NCKAP5: variants seen among roughly 807,000 people sequenced by gnomAD.
NCKAP5 encodes NCK associated protein 5, also known as nck-associated protein 5.
A neutral mutation model predicts 167.0 loss-of-function variants in NCKAP5; 92 were observed. The observed-to-expected ratio is 0.55, with a 90% CI of 0.47 to 0.66. The LOEUF is 0.66. NCKAP5 is among the 30% of genes least tolerant of loss of function. The pLI, the probability that NCKAP5 is intolerant of heterozygous loss-of-function variation, is 0.00. For missense variants in NCKAP5, 2,378 were observed against 2,315.0 expected, an observed-to-expected ratio of 1.03 and a Z score of -0.56; for synonymous variants, 891 against 877.4, an observed-to-expected ratio of 1.02 and a Z score of -0.27.
At chr2:133,385,597 G>A (rs1038167878) in intron 3 of NCKAP5, among the ~76,000 whole-genome samples, 6 of 152,126 alleles carry the variant, frequency 3.9e-5, no homozygotes, top group African/African-American at 1.4e-4. Context: ...TTTTTCTATT[G>A]ATTGGAATAG....
chr2:133,228,364 G>A (rs1290726238), intron 4 of NCKAP5, among the ~76,000 whole-genome samples: 1 of 152,052 alleles, frequency 6.6e-6, no homozygotes, highest in African/African-American at 2.4e-5. Context: ...AATAGTTTTT[G>A]CATCCATTTC....
At chr2:132,763,793 C>T (rs143306027) in intron 16 of NCKAP5, among the ~76,000 whole-genome samples, 43 of 152,296 alleles carry the variant, frequency 2.8e-4, no homozygotes, top group Non-Finnish European at 5.0e-4. Flanking sequence ...GATCACAATG[C>T]ATTTGAATTG....
chr2:132,973,544 T>C (rs1488646465), intron 7 of NCKAP5, among the ~76,000 whole-genome samples: 1 of 152,160 alleles, frequency 6.6e-6, no homozygotes, highest in Non-Finnish European at 1.5e-5. Flanking sequence ...TTTATACAAC[T>C]TTGATCATCT....
chr2:133,663,444 C>CA, the NCKAP5 span, among the ~76,000 whole-genome samples: 323 of 152,286 alleles, frequency 2.1e-3, 2 homozygotes, highest in African/African-American at 7.5e-3. Context: ...TAAAGTTTGA[C>CA]ATTGACTGAC....
chr2:133,073,886 C>G (rs1259654253), intron 6 of NCKAP5, among the ~76,000 whole-genome samples: 1 of 152,184 alleles, frequency 6.6e-6, no homozygotes, highest in Non-Finnish European at 1.5e-5. Flanking sequence ...AAAATGTCTG[C>G]TTTAACCTGA....
intron 7 of NCKAP5, among the ~76,000 whole-genome samples, chr2:132,991,609 A>G (rs574028587): frequency 1.3e-5 from 2 of 152,328 alleles, no homozygotes; most frequent in South Asian, 2.1e-4. Flanking sequence ...GGAACACAGA[A>G]AGCTATTACT....
intron 5 of NCKAP5, among the ~76,000 whole-genome samples, chr2:133,169,850 G>T (rs1044746776): frequency 5.3e-5 from 8 of 152,174 alleles, no homozygotes; most frequent in African/African-American, 1.9e-4. Flanking sequence ...CTCTGATGTG[G>T]CTGCCAAGGT....
At chr2:133,307,831 C>G (rs1210046559) in intron 3 of NCKAP5, among the ~76,000 whole-genome samples, 1 of 151,688 alleles carries the variant, frequency 6.6e-6, no homozygotes, top group East Asian at 1.9e-4. Flanking sequence ...ATATGTAATA[C>G]CTGAGCAAAG....
At chr2:133,150,291 T>C (rs73000831) in intron 5 of NCKAP5, among the ~76,000 whole-genome samples, 4,830 of 152,284 alleles carry the variant, frequency 0.032, 240 homozygotes, top group African/African-American at 0.11. Context: ...AGCGGATACC[T>C]GCCTGTCAGT....
At chr2:133,558,089 T>C (rs1687874689) in intron 2 of NCKAP5, 2 of 152,284 alleles carry the variant, frequency 1.3e-5, no homozygotes, top group Admixed American at 6.5e-5. Flanking sequence ...AATAGAATTG[T>C]TCAATCTCTC....
chr2:132,676,542 G>A (rs1215495506), intron 19 of NCKAP5, among the ~76,000 whole-genome samples: 1 of 151,758 alleles, frequency 6.6e-6, no homozygotes, highest in Non-Finnish European at 1.5e-5. Flanking sequence ...CCTCAACATT[G>A]TCTTGTCAGA....
At chr2:132,773,420 T>G (rs1049341199) in intron 16 of NCKAP5, among the ~76,000 whole-genome samples, 2 of 152,244 alleles carry the variant, frequency 1.3e-5, no homozygotes, top group African/African-American at 4.8e-5. Context: ...GCAAACCGTA[T>G]TTTCTTATTC....
At chr2:133,050,428 G>GA (rs1357718279) in intron 6 of NCKAP5, among the ~76,000 whole-genome samples, 2 of 151,758 alleles carry the variant, frequency 1.3e-5, no homozygotes, top group African/African-American at 4.8e-5. Flanking sequence ...ATTTAGGTAG[G>GA]AAAAAAAATG....
the NCKAP5 span, among the ~76,000 whole-genome samples, chr2:133,626,469 A>C: frequency 1.6e-5 from 2 of 121,380 alleles, no homozygotes; most frequent in Non-Finnish European, 3.0e-5. Context: ...AAGGGAAATA[A>C]AAAGGGGAGA....
At chr2:133,322,010 A>G (rs1242333154) in intron 3 of NCKAP5, among the ~76,000 whole-genome samples, 1 of 152,180 alleles carries the variant, frequency 6.6e-6, no homozygotes, top group Non-Finnish European at 1.5e-5. Flanking sequence ...AAAATTATAT[A>G]CCTATAAAAA....
intron 4 of NCKAP5, among the ~76,000 whole-genome samples, chr2:133,282,678 G>C (rs1334292054): frequency 6.6e-6 from 1 of 152,200 alleles, no homozygotes; most frequent in Non-Finnish European, 1.5e-5. Flanking sequence ...GTATATGAAT[G>C]AATCTCTTCT....
chr2:133,342,890 A>T (rs1683695100), intron 3 of NCKAP5, among the ~76,000 whole-genome samples: 1 of 152,198 alleles, frequency 6.6e-6, no homozygotes, highest in South Asian at 2.1e-4. Flanking sequence ...TGATCCCTGC[A>T]GGATGGTGCA....
intron 1 of NCKAP5, among the ~76,000 whole-genome samples, chr2:133,564,977 A>G (rs1473509481): frequency 6.6e-6 from 1 of 152,138 alleles, no homozygotes; most frequent in Non-Finnish European, 1.5e-5. Flanking sequence ...TGAAGAGGGG[A>G]ACAGAAGCAC....
At chr2:133,378,423 T>C (rs545935893) in intron 3 of NCKAP5, among the ~76,000 whole-genome samples, 2 of 152,326 alleles carry the variant, frequency 1.3e-5, no homozygotes, top group Non-Finnish European at 2.9e-5. Context: ...GTGTAGACTA[T>C]CAAATTTTGT....
Sources: gnomAD v4.1 joint callset for allele counts (sites outside exome capture counted in the v4.1 genomes callset) on GRCh38, gnomAD v4.1.1 for gene constraint, MANE v1.5 for transcripts, NCBI Gene and HGNC (gene_info 2026-07-23, HGNC 2026-07-21) for gene names.